SESTD1: variants seen among roughly 807,000 people sequenced by gnomAD.
SESTD1 encodes the protein SEC14 and spectrin domain containing 1.
A neutral mutation model predicts 101.7 loss-of-function variants in SESTD1; 43 were observed. The ratio of observed to expected loss-of-function variants is 0.42; its 90% CI spans 0.33 to 0.55. SESTD1 has a LOEUF of 0.55. Among genes scored for constraint, SESTD1 ranks in the 20% least tolerant of loss-of-function variants. The pLI, the probability that SESTD1 is intolerant of heterozygous loss-of-function variation, is 0.07. For missense variants in SESTD1, 647 were observed against 815.1 expected (o/e 0.79, Z 2.51); for synonymous variants, 283 against 286.8 (o/e 0.99, Z 0.13).
intron 1 of SESTD1, among the ~76,000 whole-genome samples, chr2:179,255,696 T>C (rs781278320): frequency 7.9e-5 from 12 of 152,216 alleles, no homozygotes; most frequent in Non-Finnish European, 1.0e-4. Context: ...GCTAAGATAA[T>C]TGATGAAGGT....
At chr2:179,147,653 C>T (rs1268018927) in intron 7 of SESTD1, among the ~76,000 whole-genome samples, 1 of 152,136 alleles carries the variant, frequency 6.6e-6, no homozygotes, top group Non-Finnish European at 1.5e-5. Flanking sequence ...AGCCACCGCG[C>T]CCAGCCTGAA....
chr2:179,150,147 C>T (rs1360599938), intron 6 of SESTD1, among the ~76,000 whole-genome samples: 1 of 152,122 alleles, frequency 6.6e-6, no homozygotes, highest in South Asian at 2.1e-4. Flanking sequence ...ACTGCTTGAG[C>T]CCAGAAGTTA....
intron 4 of SESTD1, among the ~76,000 whole-genome samples, chr2:179,173,596 T>C (rs940691448): frequency 6.6e-6 from 1 of 152,014 alleles, no homozygotes; most frequent in African/African-American, 2.4e-5. Flanking sequence ...TTGTCTAAGA[T>C]AACAGAGTTA....
intron 9 of SESTD1, among the ~76,000 whole-genome samples, chr2:179,142,153 G>A (rs1575438516): frequency 6.6e-6 from 1 of 152,254 alleles, no homozygotes; most frequent in African/African-American, 2.4e-5. Context: ...ACACATATTG[G>A]TTTATACAAT....
intron 13 of SESTD1, among the ~76,000 whole-genome samples, chr2:179,120,721 T>G (rs981048596): frequency 6.7e-6 from 1 of 149,600 alleles, no homozygotes; most frequent in Non-Finnish European, 1.5e-5. Flanking sequence ...ATAGTTAGGG[T>G]AGAAGTCAGA....
Position 179,211,991 on chromosome 2 carries a change from C to T in SESTD1, c.-25-20125G>A, listed in dbSNP as rs528322821. ...TCATGTAACCAAACACCACTTGATCCCCAAAAACTATTGAAATAATTAAAA... is the reference window on the plus strand; with the variant it reads ...TCATGTAACCAAACACCACTTGATCTCCAAAAACTATTGAAATAATTAAAA... On this transcript the variant is annotated intron_variant, in intron 1 of 17. Transcript: ENST00000428443. Among the ~76,000 whole-genome samples the T allele has an allele frequency of 1.3e-3, 175 of 134,094 alleles. 40 individuals carry two copies. Among genetic ancestry groups the T allele is most frequent in the African/African-American group, 4.6e-3 (157 of 33,804 alleles). 88.0% of individuals were successfully genotyped at this position (134,094 alleles called of 152,430 possible). A position where few individuals can be genotyped will look rare whatever the true frequency, so the allele number is the denominator to read the frequency against.
chr2:179,230,466 G>T (rs1415675698), intron 1 of SESTD1, among the ~76,000 whole-genome samples: 1 of 151,768 alleles, frequency 6.6e-6, no homozygotes, highest in Non-Finnish European at 1.5e-5. Flanking sequence ...AAGCACTTAG[G>T]AGTATGAAAA....
intron 1 of SESTD1, among the ~76,000 whole-genome samples, chr2:179,198,988 A>C (rs1051494513): frequency 2.0e-5 from 3 of 152,218 alleles, no homozygotes; most frequent in African/African-American, 4.8e-5. Context: ...AGACACAAAA[A>C]ATCCTTCAAA....
In SESTD1 at chr2:179,203,064, C is replaced by A. The variant is rs574851022; in HGVS notation, c.-25-11198G>T. ...ATGTGGAGTCCTGATAAGTAAGCAA[C>A]AACAAGGAAGGGGTGATCCCAGATG... On this transcript the variant is annotated intron_variant, in intron 1 of 17. Coordinates refer to ENST00000428443, the MANE Select transcript of SESTD1 (RefSeq NM_178123.5). 8.9e-5 allele frequency among the ~76,000 whole-genome samples: 12 copies of A among 134,850 alleles called. 1 individual carries two copies. Among genetic ancestry groups the A allele is most frequent in the Admixed American group, 6.5e-4 (9 of 13,890 alleles). The allele number at this position is 134,850 out of a possible 152,430, so 88.5% of individuals were successfully genotyped here. A position where few individuals can be genotyped will look rare whatever the true frequency, so the allele number is the denominator to read the frequency against.
rs991892091 is a variant in SESTD1, at chr2:179,103,055, A to T, written c.*6844T>A. 1.3e-5 allele frequency: 2 copies of T among 152,046 alleles called. No homozygotes were observed. Among genetic ancestry groups the T allele is most frequent in the Non-Finnish European group, 2.9e-5 (2 of 68,004 alleles). 9.4% of individuals were successfully genotyped at this position (152,046 alleles called of 1,614,324 possible). A position where few individuals can be genotyped will look rare whatever the true frequency, so the allele number is the denominator to read the frequency against. The stretch of plus-strand genomic sequence containing the variant: ...TTCAATGATCAGTCTTACTTTACCT[A>T]CTGAAAACGGGTGGTGAAAGTTAGT... On this transcript the variant is annotated 3_prime_UTR_variant, in exon 18 of 18. Coordinates refer to ENST00000428443, the MANE Select transcript of SESTD1 (RefSeq NM_178123.5).
chr2:179,160,462 ATATAAT>A (rs1215380871), intron 5 of SESTD1, among the ~76,000 whole-genome samples: 4 of 151,764 alleles, frequency 2.6e-5, no homozygotes, highest in Middle Eastern at 3.4e-3. Context: ...GCACAAATAT[ATATAAT>A]TATATTAGAT....
chr2:179,144,145 G>T (rs1438613348), intron 8 of SESTD1, among the ~76,000 whole-genome samples: 1 of 151,320 alleles, frequency 6.6e-6, no homozygotes. Context: ...TCACATTTTT[G>T]TTATTGGTGA....
At chr2:179,137,011 T>C (rs2045160832) in intron 9 of SESTD1, among the ~76,000 whole-genome samples, 1 of 152,156 alleles carries the variant, frequency 6.6e-6, no homozygotes, top group Non-Finnish European at 1.5e-5. Context: ...AAATTGAGGT[T>C]GATGCCCCAG....
chr2:179,214,572 G>A lies in SESTD1; in HGVS notation c.-25-22706C>T, dbSNP rs569834248. 7.5e-5 allele frequency among the ~76,000 whole-genome samples: 10 copies of A among 133,624 alleles called. 3 individuals carry two copies. Among genetic ancestry groups the A allele is most frequent in the East Asian group, 4.0e-4 (2 of 4,998 alleles). The allele number at this position is 133,624 out of a possible 152,430, so 87.7% of individuals were successfully genotyped here. On this transcript the variant is annotated intron_variant, in intron 1 of 17. Transcript: ENST00000428443. ...TAACACCCCACTGTCAATACTGGACGGATCAACGAGACAGAAAGTTAACAA... is the reference window on the plus strand; with the variant it reads ...TAACACCCCACTGTCAATACTGGACAGATCAACGAGACAGAAAGTTAACAA...
Position 179,133,903 on chromosome 2 carries a change from A to G in SESTD1, c.850-1477T>C, listed in dbSNP as rs568365332. Reference sequence around the variant, plus strand: ...CAATCACAGATTGAATATATTTGGGAAAAAAAATCAAGCACAAAAAAATAA... The same window carrying G: ...CAATCACAGATTGAATATATTTGGGGAAAAAAATCAAGCACAAAAAAATAA... On this transcript the variant is annotated intron_variant, in intron 9 of 17. Transcript: ENST00000428443. Among the ~76,000 whole-genome samples the G allele has an allele frequency of 7.2e-5, 11 of 152,120 alleles. 1 individual carries two copies. The South Asian group carries it at 1.5e-3, about 20-fold the overall frequency.
intron 12 of SESTD1, 130 bp from the exon 13 acceptor site, chr2:179,122,059 G>T: frequency 1.4e-6 from 1 of 716,932 alleles, no homozygotes; most frequent in Non-Finnish European, 2.0e-6. Flanking sequence ...ACCACCTTGG[G>T]ATGGAATCCC....
chr2:179,139,607 T>G (rs879912897), intron 9 of SESTD1, among the ~76,000 whole-genome samples: 1 of 152,208 alleles, frequency 6.6e-6, no homozygotes, highest in African/African-American at 2.4e-5. Context: ...TATGAATCGT[T>G]AAGTTTTCAC....
At chr2:179,118,417 C>T (rs535570846) in intron 13 of SESTD1, among the ~76,000 whole-genome samples, 4 of 152,190 alleles carry the variant, frequency 2.6e-5, no homozygotes, top group South Asian at 2.1e-4. Context: ...TGAAATTCTG[C>T]GTACTGCAGG....
chr2:179,157,444 C>T (rs919165049), intron 5 of SESTD1, among the ~76,000 whole-genome samples: 6 of 152,150 alleles, frequency 3.9e-5, no homozygotes, highest in African/African-American at 9.7e-5. Context: ...AATCTGGAGG[C>T]ATCACACTAC....
Sources: allele counts gnomAD v4.1 joint callset (sites outside exome capture counted in the v4.1 genomes callset), GRCh38; gene constraint gnomAD v4.1.1; transcripts MANE v1.5; gene names NCBI Gene and HGNC (gene_info 2026-07-23, HGNC 2026-07-21).